The following ST6GALNAC3 variants were observed in gnomAD, a reference collection of about 807,000 sequenced individuals.
The protein encoded by ST6GALNAC3 is ST6 N-acetylgalactosaminide alpha-2,6-sialyltransferase 3.
A neutral mutation model predicts 32.7 loss-of-function variants in ST6GALNAC3; 25 were observed. The observed-to-expected ratio is 0.76, with a 90% CI of 0.56 to 1.07. ST6GALNAC3 has a LOEUF of 1.07. Among genes scored for constraint, ST6GALNAC3 ranks in the 50% least tolerant of loss-of-function variants. ST6GALNAC3 has a pLI of 0.00. For synonymous variants in ST6GALNAC3, 129 were observed against 133.1 expected (o/e 0.97, Z 0.21); for missense variants, 355 against 382.4 (o/e 0.93, Z 0.60).
At chr1:76,597,921 T>C (rs1647163492) in intron 3 of ST6GALNAC3, among the ~76,000 whole-genome samples, 2 of 152,154 alleles carry the variant, frequency 1.3e-5, no homozygotes, top group African/African-American at 4.8e-5. Flanking sequence ...CCGAGTTTAA[T>C]TATGTATAAC....
At chr1:76,211,598 A>G (rs1213005913) in intron 1 of ST6GALNAC3, among the ~76,000 whole-genome samples, 1 of 74,966 alleles carries the variant, frequency 1.3e-5, no homozygotes, top group Non-Finnish European at 3.7e-5. Flanking sequence ...ATGGAATACT[A>G]TGCAGCCATA....
At chr1:76,477,930 G>A (rs1659460443) in intron 3 of ST6GALNAC3, among the ~76,000 whole-genome samples, 1 of 152,080 alleles carries the variant, frequency 6.6e-6, no homozygotes, top group Admixed American at 6.6e-5. Flanking sequence ...GATCACTTTT[G>A]CTCAGTATTG....
At position 76,468,298 on chromosome 1, in the gene ST6GALNAC3, C is replaced by T. The variant is rs112025001; in HGVS notation, c.623+55881C>T. 2.6e-3 allele frequency among the ~76,000 whole-genome samples: 393 copies of T among 152,100 alleles called. 3 individuals carry two copies. The highest frequency in any genetic ancestry group is 9.2e-3 in the African/African-American group (381 of 41,542). ...ATTAGCAAATAGACACAAACATTTC[C>T]TCTAAATACTTCAGTGCCTGTGATT... On this transcript the variant is annotated intron_variant, in intron 3 of 4. Transcript: ENST00000328299.
chr1:76,517,847 G>A (rs749349855), intron 3 of ST6GALNAC3, among the ~76,000 whole-genome samples: 4 of 151,764 alleles, frequency 2.6e-5, no homozygotes, highest in Non-Finnish European at 5.9e-5. Context: ...TTTTCTTGTC[G>A]TTCTTTGTTT....
In ST6GALNAC3 at chr1:76,513,609, G is replaced by A. The variant is rs529073737; in HGVS notation, c.623+101192G>A. 1.2e-4 allele frequency among the ~76,000 whole-genome samples: 19 copies of A among 152,192 alleles called. No individual in the cohort carries two copies. The South Asian group carries it at 1.4e-3, about 12-fold the overall frequency. On this transcript the variant is annotated intron_variant, in intron 3 of 4. Transcript: ENST00000328299. ...TTTTGTTCAGGATTGCTTTAGCTAT[G>A]TCGGGCCTTTTGTGGTTCCATATAA...
chr1:76,458,955 G>T (rs1658074460), intron 3 of ST6GALNAC3, among the ~76,000 whole-genome samples: 1 of 151,520 alleles, frequency 6.6e-6, no homozygotes, highest in African/African-American at 2.4e-5. Flanking sequence ...CATGAATCTT[G>T]CATCTTGCTC....
chr1:76,572,791 T>G (rs916156131), intron 3 of ST6GALNAC3, among the ~76,000 whole-genome samples: 2 of 152,134 alleles, frequency 1.3e-5, no homozygotes, highest in Non-Finnish European at 2.9e-5. Context: ...GGAAATTTGT[T>G]GCGGAGACAG....
chr1:76,634,555 T>C lies in ST6GALNAC3; in HGVS notation c.*5749T>C, dbSNP rs1332474517. 6.6e-6 allele frequency: 1 copy of C among 152,194 alleles called. No individual in the cohort carries two copies. Among genetic ancestry groups the C allele is most frequent in the African/African-American group, 2.4e-5 (1 of 41,446 alleles). The allele number at this position is 152,194 out of a possible 1,614,324, so 9.4% of individuals were successfully genotyped here. On this transcript the variant is annotated 3_prime_UTR_variant, in exon 5 of 5. Coordinates refer to ENST00000328299, the MANE Select transcript of ST6GALNAC3 (RefSeq NM_152996.4). ...AGAGTTTTTATGGCATTATAGTGCT[T>C]TATTTATAAGCATTGTGTCTTAGAA...
chr1:76,304,482 C>G lies in ST6GALNAC3; in HGVS notation c.19-9323C>G, dbSNP rs149721812. On this transcript the variant is annotated intron_variant, in intron 1 of 4. Transcript: ENST00000328299. Reference sequence around the variant, plus strand: ...TCTGAGCAAGTTATATTGGAACTTGCAGAGATGAGGATGGTAGAATACAGC... The same window carrying G: ...TCTGAGCAAGTTATATTGGAACTTGGAGAGATGAGGATGGTAGAATACAGC... Among the ~76,000 whole-genome samples the G allele has an allele frequency of 3.2e-3, 477 of 149,612 alleles. 5 individuals carry two copies. The highest frequency in any genetic ancestry group is 0.02 in the Middle Eastern group (6 of 294).
intron 1 of ST6GALNAC3, among the ~76,000 whole-genome samples, chr1:76,201,826 C>T (rs1054467503): frequency 2.0e-5 from 3 of 152,048 alleles, no homozygotes; most frequent in Non-Finnish European, 4.4e-5. Context: ...GAAAGACATA[C>T]AAAAAGACAA....
At chr1:76,385,055 G>A (rs1157191005) in intron 2 of ST6GALNAC3, among the ~76,000 whole-genome samples, 2 of 152,002 alleles carry the variant, frequency 1.3e-5, no homozygotes, top group Non-Finnish European at 2.9e-5. Flanking sequence ...AAAATTAAGC[G>A]ATAGTGATAC....
intron 1 of ST6GALNAC3, among the ~76,000 whole-genome samples, chr1:76,130,162 C>T (rs1309501261): frequency 6.6e-6 from 1 of 152,176 alleles, no homozygotes; most frequent in Non-Finnish European, 1.5e-5. Flanking sequence ...AAAGATTTGC[C>T]TATTTCATGC....
intron 1 of ST6GALNAC3, among the ~76,000 whole-genome samples, chr1:76,152,439 A>G (rs905887899): frequency 6.6e-6 from 1 of 152,196 alleles, no homozygotes; most frequent in Non-Finnish European, 1.5e-5. Flanking sequence ...TGCACACCAC[A>G]TACTTGTGGA....
chr1:76,435,614 T>C (rs1286744584), intron 3 of ST6GALNAC3, among the ~76,000 whole-genome samples: 2 of 152,164 alleles, frequency 1.3e-5, no homozygotes, highest in Non-Finnish European at 2.9e-5. Context: ...CTGAATAATG[T>C]TATTTGGGCA....
chr1:76,261,263 A>C (rs1658217895), intron 1 of ST6GALNAC3, among the ~76,000 whole-genome samples: 2 of 152,140 alleles, frequency 1.3e-5, no homozygotes, highest in African/African-American at 4.8e-5. Flanking sequence ...ATTATATTCA[A>C]TTAGCCTTTT....
At chr1:76,157,823 A>C (rs1651555975) in intron 1 of ST6GALNAC3, among the ~76,000 whole-genome samples, 1 of 152,194 alleles carries the variant, frequency 6.6e-6, no homozygotes, top group Admixed American at 6.5e-5. Context: ...CCTGGAAACC[A>C]TGGATTTTAA....
At chr1:76,503,458 G>A (rs908768194) in intron 3 of ST6GALNAC3, among the ~76,000 whole-genome samples, 3 of 152,198 alleles carry the variant, frequency 2.0e-5, no homozygotes, top group Non-Finnish European at 2.9e-5. Flanking sequence ...GGAATGCTGG[G>A]TTCATTCCTG....
At chr1:76,294,040 T>C (rs554591722) in intron 1 of ST6GALNAC3, among the ~76,000 whole-genome samples, 1 of 152,262 alleles carries the variant, frequency 6.6e-6, no homozygotes, top group African/African-American at 2.4e-5. Flanking sequence ...AAGAAAGCAC[T>C]CTTTTTAACG....
intron 1 of ST6GALNAC3, among the ~76,000 whole-genome samples, chr1:76,082,767 T>A (rs1646914178): frequency 6.6e-6 from 1 of 151,940 alleles, no homozygotes; most frequent in Non-Finnish European, 1.5e-5. Context: ...GATGTGGAGG[T>A]GTGGGGGCCA....
Sources: gnomAD v4.1 joint callset for allele counts (sites outside exome capture counted in the v4.1 genomes callset) on GRCh38, gnomAD v4.1.1 for gene constraint, MANE v1.5 for transcripts, NCBI Gene and HGNC (gene_info 2026-07-23, HGNC 2026-07-21) for gene names.